TRNAU1AP: variants seen among roughly 807,000 people sequenced by gnomAD.
The protein encoded by TRNAU1AP is tRNA selenocysteine 1-associated protein 1.
In TRNAU1AP, 33 loss-of-function variants were observed where a neutral mutation model predicts 43.3. That is an observed-to-expected ratio of 0.76 (90% CI 0.58 to 1.02). The LOEUF (loss-of-function observed/expected upper bound fraction) is 1.02. Among genes scored for constraint, TRNAU1AP ranks in the 50% least tolerant of loss-of-function variants. The pLI is 0.00. For synonymous variants in TRNAU1AP, 143 were observed against 129.1 expected, an observed-to-expected ratio of 1.11 and a Z score of -0.73; for missense variants, 290 against 362.7, an observed-to-expected ratio of 0.80 and a Z score of 1.63.
intron 8 of TRNAU1AP, among the ~76,000 whole-genome samples, chr1:28,575,223 C>T (rs1227023566): frequency 2.0e-5 from 3 of 152,050 alleles, no homozygotes; most frequent in East Asian, 1.9e-4. Context: ...GGCACGATCT[C>T]GACCCACTGT....
intron 4 of TRNAU1AP, among the ~76,000 whole-genome samples, chr1:28,561,824 G>A (rs1289753033): frequency 1.3e-5 from 2 of 152,134 alleles, no homozygotes; most frequent in Admixed American, 6.6e-5. Context: ...TATAATCCCA[G>A]CACTTTGGGA....
In TRNAU1AP at chr1:28,567,841, C is replaced by G. The variant is rs889796370; in HGVS notation, c.530+428C>G. Among the ~76,000 whole-genome samples the G allele has an allele frequency of 3.3e-5, 5 of 152,074 alleles. No individual in the cohort carries two copies. In the East Asian group the frequency reaches 9.6e-4, roughly 29 times the overall value. On this transcript the variant is annotated intron_variant, in intron 6 of 8. Transcript: ENST00000373830. ...AACTACAGCCCTCCTATGAGTGTTC[C>G]ATGCTGTGGGAATGGATAAGAATTA...
At chr1:28,561,574 C>T (rs1665405451) in intron 4 of TRNAU1AP, among the ~76,000 whole-genome samples, 176 bp downstream of exon 4, 1 of 152,190 alleles carries the variant, frequency 6.6e-6, no homozygotes, top group South Asian at 2.1e-4. Flanking sequence ...CCTGGCTTTT[C>T]TGTATTTGGT....
chr1:28,562,530 G>A (rs1329886163), intron 4 of TRNAU1AP, among the ~76,000 whole-genome samples: 1 of 151,752 alleles, frequency 6.6e-6, no homozygotes, highest in Non-Finnish European at 1.5e-5. Flanking sequence ...CATTTATTGT[G>A]ATTGTCTTCA....
At chr1:28,555,602 A>T (rs1269948203) in intron 2 of TRNAU1AP, among the ~76,000 whole-genome samples, 1 of 147,352 alleles carries the variant, frequency 6.8e-6, no homozygotes, top group Non-Finnish European at 1.5e-5. Context: ...GGTTCACGCC[A>T]TTCTCCAAGC....
chr1:28,564,562 C>A, intron 4 of TRNAU1AP, 141 bp from the exon 5 acceptor site: 1 of 1,009,148 alleles, frequency 9.9e-7, no homozygotes, highest in Non-Finnish European at 1.4e-6. Flanking sequence ...TCTGATGAAA[C>A]AAAGTAGGGG....
intron 2 of TRNAU1AP, among the ~76,000 whole-genome samples, chr1:28,559,751 A>AT (rs1301031584): frequency 2.6e-5 from 4 of 152,218 alleles, no homozygotes; most frequent in South Asian, 2.1e-4. Context: ...GGAACTGGTT[A>AT]TTAGATCTAA....
intron 2 of TRNAU1AP, among the ~76,000 whole-genome samples, chr1:28,555,781 C>A (rs945312518): frequency 3.9e-5 from 6 of 152,018 alleles, no homozygotes; most frequent in Non-Finnish European, 8.8e-5. Flanking sequence ...TCTCTTCTTG[C>A]TCTTCTAAGC....
At chr1:28,559,389 G>GA (rs1665354334) in intron 2 of TRNAU1AP, among the ~76,000 whole-genome samples, 1 of 152,152 alleles carries the variant, frequency 6.6e-6, no homozygotes, top group Non-Finnish European at 1.5e-5. Flanking sequence ...AGCACTTTGA[G>GA]AGGCCGAGGC....
chr1:28,555,224 C>G (rs1165695457), intron 2 of TRNAU1AP, among the ~76,000 whole-genome samples: 1 of 145,390 alleles, frequency 6.9e-6, no homozygotes, highest in African/African-American at 2.7e-5. Context: ...GAGCGAAACT[C>G]CATCTCAAAA....
chr1:28,570,917 T>C (rs1466892702), intron 6 of TRNAU1AP, among the ~76,000 whole-genome samples: 1 of 151,780 alleles, frequency 6.6e-6, no homozygotes, highest in Non-Finnish European at 1.5e-5. Flanking sequence ...TACAAAAAAT[T>C]AGCCAGGCGT....
At chr1:28,571,123 A>C in intron 6 of TRNAU1AP, 53 bp from the exon 7 acceptor site, 1 of 1,557,722 alleles carries the variant, frequency 6.4e-7, no homozygotes, top group South Asian at 1.1e-5. Context: ...CCACATAGGC[A>C]GTGTTACGGA....
Position 28,576,826 on chromosome 1 carries a change from C to T in TRNAU1AP, c.728-674C>T, listed in dbSNP as rs536027240. Among the ~76,000 whole-genome samples, 132 of 152,278 alleles carry T rather than the reference C, an allele frequency of 8.7e-4. 4 individuals carry two copies. The South Asian group carries it at 0.023, about 26-fold the overall frequency. On this transcript the variant is annotated intron_variant, in intron 8 of 8. Transcript: ENST00000373830. ...GTTGGTCAGGCTGGTCTTGAACTCC[C>T]GACTTCTGGTGATCTGCCCGCCTCG... is the stretch of plus-strand genomic sequence containing the variant.
intron 8 of TRNAU1AP, among the ~76,000 whole-genome samples, chr1:28,574,303 G>C (rs554256885): frequency 6.6e-5 from 10 of 152,112 alleles, no homozygotes; most frequent in African/African-American, 2.4e-4. Context: ...GGCCAGGCTG[G>C]TTTCGAACTC....
At chr1:28,566,691 G>A (rs1013654797) in intron 5 of TRNAU1AP, among the ~76,000 whole-genome samples, 7 of 151,416 alleles carry the variant, frequency 4.6e-5, no homozygotes, top group Admixed American at 2.0e-4. Context: ...CATGGGAGGC[G>A]GAGCTTGCAG....
chr1:28,563,800 C>G (rs919114674), intron 4 of TRNAU1AP, among the ~76,000 whole-genome samples: 12 of 151,632 alleles, frequency 7.9e-5, no homozygotes, highest in African/African-American at 2.9e-4. Context: ...TGCAGTGAGC[C>G]GAGATCACGC....
chr1:28,572,921 C>T (rs926828848), intron 8 of TRNAU1AP, among the ~76,000 whole-genome samples: 4 of 149,740 alleles, frequency 2.7e-5, no homozygotes, highest in Admixed American at 1.3e-4. Flanking sequence ...GGAGACAGAG[C>T]GAGACTCCGT....
intron 3 of TRNAU1AP, chr1:28,561,145 C>A (rs1665395779): frequency 7.0e-7 from 1 of 1,421,356 alleles, no homozygotes; most frequent in Non-Finnish European, 9.2e-7. Flanking sequence ...AGCTGGCACA[C>A]CTGGGCTCAT....
chr1:28,561,253 T>C, intron 3 of TRNAU1AP, 93 bp from the exon 4 acceptor site: 2 of 1,554,524 alleles, frequency 1.3e-6, no homozygotes, highest in Non-Finnish European at 1.7e-6. Context: ...GGAGATGTTT[T>C]GGCCAAGGTA....
Sources: gnomAD v4.1 joint callset for allele counts (sites outside exome capture counted in the v4.1 genomes callset) on GRCh38, gnomAD v4.1.1 for gene constraint, MANE v1.5 for transcripts, NCBI Gene and HGNC (gene_info 2026-07-23, HGNC 2026-07-21) for gene names.